Variants in CLUH observed in about 807,000 individuals in gnomAD.
CLUH encodes clustered mitochondria protein homolog.
CLUH carries 77 observed loss-of-function variants against 139.3 expected under a neutral mutation model. That is an observed-to-expected ratio of 0.55 (90% CI 0.46 to 0.67). The LOEUF is 0.67. Among genes scored for constraint, CLUH ranks in the 30% least tolerant of loss-of-function variants. CLUH has a pLI of 0.00. For synonymous variants in CLUH, 999 were observed against 801.6 expected (o/e 1.25, Z -4.16); for missense variants, 1,876 against 1,875.8 (o/e 1.00, Z 0.00).
chr17:2,701,191 T>C lies in CLUH; in HGVS notation c.974A>G (p.Asn325Ser), dbSNP rs201192387. 3.1e-5 allele frequency: 50 copies of C among 1,613,850 alleles called. 1 individual carries two copies. The Admixed American group carries it at 4.7e-4, about 15-fold the overall frequency. Residue 325 changes from asparagine (N) to serine (S), a missense_variant, in exon 7 of 26, where the codon AAC becomes AGC. By Grantham distance (46) the Asn-to-Ser change is conservative. Coordinates refer to ENST00000651024, the MANE Select transcript of CLUH (RefSeq NM_001366661.1). ...CTTCTTGAAGGTCGGGCTGATCTGG[T>C]TGAGCAGCTCCACTAGGGAATGGCT... ...FLSHSLVELL[N>S]QISPTFKKNF...
Position 2,692,711 on chromosome 17 carries a change from G to C in CLUH, c.3313-15C>G, listed in dbSNP as rs566688021. 2.7e-5 allele frequency: 43 copies of C among 1,608,690 alleles called. No homozygotes were observed. The highest frequency in any genetic ancestry group is 3.7e-5 in the Non-Finnish European group (43 of 1,177,216). On this transcript the variant is annotated splice_polypyrimidine_tract_variant and intron_variant, in intron 20 of 25. Coordinates refer to ENST00000651024, the MANE Select transcript of CLUH (RefSeq NM_001366661.1). ...GCCAGGTGCATCTGCGGGCGGGGCG[G>C]AGACAGGTCAGGGTGGCCGCGGACC... is the stretch of plus-strand genomic sequence containing the variant.
At position 2,701,935 on chromosome 17, in the gene CLUH, A is replaced by C. The variant is rs1194496270; in HGVS notation, c.598T>G (p.Phe200Val). 6.2e-7 allele frequency: 1 copy of C among 1,613,790 alleles called. No individual in the cohort carries two copies. The highest frequency in any genetic ancestry group is 8.5e-7 in the Non-Finnish European group (1 of 1,179,898). ...GCACCTCCCAGGTCGCCGTCGGTGA[A>C]GACACTCAGGAAGGACAAGGAGTTG... ...DCNSLSFLSV[F>V]TDGDLGDSGK... The change falls in exon 4 of 26, where the codon TTC becomes GTC. Residue 200 changes from phenylalanine (F) to valine (V), a missense_variant. By Grantham distance (50) the Phe-to-Val change is conservative. This residue lies in a region of CLUH where 270 missense variants were observed against 354.7 expected (regional missense o/e 0.76). Transcript: ENST00000651024.
rs1031817591 is a variant in CLUH, at chr17:2,707,712, C to T, written c.101-3148G>A. 2 of 985,326 alleles carry T rather than the reference C, an allele frequency of 2.0e-6. No individual in the cohort carries two copies. Among genetic ancestry groups the T allele is most frequent in the African/African-American group, 3.5e-5 (2 of 57,236 alleles). 61.0% of individuals were successfully genotyped at this position (985,326 alleles called of 1,614,324 possible). A position where few individuals can be genotyped will look rare whatever the true frequency, so the allele number is the denominator to read the frequency against. ...GACCGCTTCTGCCAGCTGCCGCCAA[C>T]AGCTGGCACAGACCCGGGTCCAGGC... On this transcript the variant is annotated intron_variant, in intron 1 of 25. Transcript: ENST00000651024. This position sits in a 1 kb window ranked among gnomAD's most constrained non-coding sequence, Gnocchi z 7.4.
At position 2,703,196 on chromosome 17, in the gene CLUH, C is replaced by A; in HGVS notation, c.475+122G>T. On this transcript the variant is annotated intron_variant, in intron 3 of 25. Coordinates refer to ENST00000651024, the MANE Select transcript of CLUH (RefSeq NM_001366661.1). The surrounding 1 kb of genome is among the most constrained non-coding windows in gnomAD (Gnocchi z 4.2). Reference sequence around the variant, plus strand: ...AGGTGTGCTGGCCTGAGAAGCAGATCTGTGCTCCAATCCTGCCTCCATGAG... The same window carrying A: ...AGGTGTGCTGGCCTGAGAAGCAGATATGTGCTCCAATCCTGCCTCCATGAG... 5 of 1,033,998 alleles carry A rather than the reference C, an allele frequency of 4.8e-6. No individual in the cohort carries two copies. Among genetic ancestry groups the A allele is most frequent in the Non-Finnish European group, 7.0e-6 (5 of 713,226 alleles). The allele number at this position is 1,033,998 out of a possible 1,614,324, so 64.1% of individuals were successfully genotyped here.
At position 2,700,760 on chromosome 17, in the gene CLUH, T is replaced by G. The variant is rs2070149262; in HGVS notation, c.1091A>C (p.Gln364Pro). Residue 364 changes from glutamine (Q) to proline (P), a missense_variant, in exon 8 of 26, where the codon CAG (glutamine) becomes CCG (proline). By Grantham distance (76) the Gln-to-Pro change is moderately conservative. Transcript: ENST00000651024. ...CACGCAATCCATGGCATGCTCCGCC[T>G]GGGGGGCTGTCCAGCTGTACACCTG... ...PFQVYSWTAP[Q>P]AEHAMDCVRA... 3 of 1,545,310 alleles carry G rather than the reference T, an allele frequency of 1.9e-6. No homozygotes were observed. Among genetic ancestry groups the G allele is most frequent in the Admixed American group, 4.2e-5 (2 of 47,536 alleles).
rs747922501 is a variant in CLUH, at chr17:2,694,054, C to G, written c.3092-15G>C. The G allele has an allele frequency of 8.7e-6, 14 of 1,613,796 alleles. No individual in the cohort carries two copies. Among genetic ancestry groups the G allele is most frequent in the Non-Finnish European group, 1.2e-5 (14 of 1,179,850 alleles). On this transcript the variant is annotated splice_polypyrimidine_tract_variant and intron_variant, in intron 18 of 25. Transcript: ENST00000651024. ...CTTCAGGAAGCCTGCAGGGCACCCC[C>G]AGGGGTGGCAAGGTCAGGACGGGCC...
rs1418382371 is a variant in CLUH, at chr17:2,700,760, TG to T, written c.1090del (p.Gln364ArgfsTer80). On this transcript the variant is annotated frameshift_variant, in exon 8 of 26. Coordinates refer to ENST00000651024, the MANE Select transcript of CLUH (RefSeq NM_001366661.1). LOFTEE classifies it high-confidence loss of function. ...CACGCAATCCATGGCATGCTCCGCC[TG>T]GGGGGCTGTCCAGCTGTACACCTGG... The part of the protein sequence containing the change: ...PFQVYSWTAP[Q>X]AEHAMDCVRA... 3 of 1,545,388 alleles carry T rather than the reference TG, an allele frequency of 1.9e-6. No individual in the cohort carries two copies. Among genetic ancestry groups the T allele is most frequent in the Admixed American group, 2.1e-5 (1 of 47,556 alleles).
intron 1 of CLUH, among the ~76,000 whole-genome samples, chr17:2,705,805 A>G (rs1390357681): frequency 6.6e-6 from 1 of 152,124 alleles, no homozygotes; most frequent in Admixed American, 6.5e-5. Context: ...CCCAATCCAC[A>G]TGCTCCAGGG....
Position 2,691,764 on chromosome 17 carries a change from G to T in CLUH, c.3786C>A (p.Leu1262=). 6.3e-7 allele frequency: 1 copy of T among 1,596,108 alleles called. No homozygotes were observed. The highest frequency in any genetic ancestry group is 8.5e-7 in the Non-Finnish European group (1 of 1,171,936). ...RNGSSANIPP[L]KFTAPSMASV... ...GGCCGCTCCGCCCCGGACTCACCTTGAGGGGCGGGATGTTGGCGCTGGAGC... is the reference window on the plus strand; with the variant it reads ...GGCCGCTCCGCCCCGGACTCACCTTTAGGGGCGGGATGTTGGCGCTGGAGC... Residue 1262 remains leucine, a synonymous_variant, in exon 24 of 26, where the codon CTC becomes CTA. Transcript: ENST00000651024.
At position 2,690,873 on chromosome 17, in the gene CLUH, G is replaced by C. The variant is rs565996299; in HGVS notation, c.3864-96C>G. On this transcript the variant is annotated intron_variant, in intron 25 of 25. Transcript: ENST00000651024. ...CCTGTGGGATAAGCTCAGGCTCTGCGCTCTATTCAGTGGGGAATGTGTGTG... is the reference window on the plus strand; with the variant it reads ...CCTGTGGGATAAGCTCAGGCTCTGCCCTCTATTCAGTGGGGAATGTGTGTG... The C allele has an allele frequency of 3.0e-6, 3 of 987,358 alleles. No individual in the cohort carries two copies. The African/African-American group carries it at 5.1e-5, about 17-fold the overall frequency. 61.2% of individuals were successfully genotyped at this position (987,358 alleles called of 1,614,324 possible). A position where few individuals can be genotyped will look rare whatever the true frequency, so the allele number is the denominator to read the frequency against.
rs752224729 is a variant in CLUH, at chr17:2,698,418, T to TC, written c.1438dup (p.Asp480GlyfsTer99). On this transcript the variant is annotated frameshift_variant, in exon 10 of 26. Coordinates refer to ENST00000651024, the MANE Select transcript of CLUH (RefSeq NM_001366661.1). LOFTEE classifies it high-confidence loss of function. ...GGTGGGCGCCACGTAGGCCGCCACG[T>TC]CCCCCCCGAAGTCCTTGTAGTGGTC... is the stretch of plus-strand genomic sequence containing the variant. The TC allele has an allele frequency of 4.3e-6, 7 of 1,611,580 alleles. No homozygotes were observed. The highest frequency in any genetic ancestry group is 4.2e-6 in the Non-Finnish European group (5 of 1,179,272).
chr17:2,691,428 G>A (rs772672774), intron 25 of CLUH, 181 bp downstream of exon 25: 51 of 615,492 alleles, frequency 8.3e-5, no homozygotes, highest in Non-Finnish European at 1.4e-4. Context: ...CGGGCGAGGT[G>A]GCGGACACCT....
chr17:2,703,291 G>C lies in CLUH; in HGVS notation c.475+27C>G. On this transcript the variant is annotated intron_variant, in intron 3 of 25. Transcript: ENST00000651024. This position sits in a 1 kb window ranked among gnomAD's most constrained non-coding sequence, Gnocchi z 4.2. ...CTCTGCCTCCGTGGGCCCTCCCCCG[G>C]GCAGGCTGTCCAACTTCCAGACCAA... 2.5e-6 allele frequency: 4 copies of C among 1,593,918 alleles called. No homozygotes were observed. The highest frequency in any genetic ancestry group is 3.4e-6 in the Non-Finnish European group (4 of 1,169,878).
At position 2,693,932 on chromosome 17, in the gene CLUH, G is replaced by A. The variant is rs571139579; in HGVS notation, c.3199C>T (p.Arg1067Cys). ...TAGTCGCCCATGATGTAGTGGAGGC[G>A]GGCGAGGAGGCGCAGGCAGGCGCAG... ...ETCACLRLLA[R>C]LHYIMGDYAE... is the part of the protein sequence containing the mutation. The change falls in exon 19 of 26, where the codon CGC (arginine) becomes TGC (cysteine). Residue 1067 changes from arginine (R) to cysteine (C), a missense_variant. Transcript: ENST00000651024. 40 of 1,613,546 alleles carry A rather than the reference G, an allele frequency of 2.5e-5. No individual in the cohort carries two copies. Among genetic ancestry groups the A allele is most frequent in the Non-Finnish European group, 3.1e-5 (36 of 1,179,746 alleles).
In CLUH at chr17:2,691,768, G is replaced by A. The variant is rs1253217083; in HGVS notation, c.3782C>T (p.Pro1261Leu). The A allele has an allele frequency of 1.1e-5, 18 of 1,596,066 alleles. No individual in the cohort carries two copies. The highest frequency in any genetic ancestry group is 1.5e-5 in the Non-Finnish European group (17 of 1,171,900). Residue 1261 changes from proline (P) to leucine (L), a missense_variant, in exon 24 of 26, where the codon CCC becomes CTC. Pro to Leu is a moderately conservative substitution (Grantham distance 98, BLOSUM62 -3). This residue lies in a region of CLUH where 1,454 missense variants were observed against 1,384.4 expected (regional missense o/e 1.05). Transcript: ENST00000651024. ...GCTCCGCCCCGGACTCACCTTGAGG[G>A]GCGGGATGTTGGCGCTGGAGCCGTT... ...YRNGSSANIP[P>L]LKFTAPSMAS...
intron 16 of CLUH, 69 bp downstream of exon 16, chr17:2,694,788 C>A (rs2069864578): frequency 6.2e-6 from 9 of 1,459,140 alleles, no homozygotes; most frequent in Middle Eastern, 4.6e-4. Flanking sequence ...TAGACGCCAT[C>A]TGGGAGCAGG....
At position 2,703,121 on chromosome 17, in the gene CLUH, C is replaced by T. The variant is rs1001761958; in HGVS notation, c.475+197G>A. On this transcript the variant is annotated intron_variant, in intron 3 of 25. Coordinates refer to ENST00000651024, the MANE Select transcript of CLUH (RefSeq NM_001366661.1). This position sits in a 1 kb window ranked among gnomAD's most constrained non-coding sequence, Gnocchi z 4.2. ...GATTACAGGCGTGAGCCACCATGCC[C>T]AGCCCACGGCTCTGTTCTTTAACCC... Among the ~76,000 whole-genome samples the T allele has an allele frequency of 7.2e-5, 11 of 152,088 alleles. No individual in the cohort carries two copies. Among genetic ancestry groups the T allele is most frequent in the Non-Finnish European group, 1.6e-4 (11 of 68,018 alleles).
Position 2,707,459 on chromosome 17 carries a change from C to G in CLUH, c.101-2895G>C, listed in dbSNP as rs1398334637. 1.0e-5 allele frequency: 10 copies of G among 985,428 alleles called. No homozygotes were observed. The highest frequency in any genetic ancestry group is 1.2e-5 in the Non-Finnish European group (10 of 829,916). The allele number at this position is 985,428 out of a possible 1,614,324, so 61.0% of individuals were successfully genotyped here. A position where few individuals can be genotyped will look rare whatever the true frequency, so the allele number is the denominator to read the frequency against. Reference sequence around the variant, plus strand: ...GAAGGACGGCTGTGGGCCAGGAGAACCCGGTGGCCCCAGGACCCCAGGGGG... The same window carrying G: ...GAAGGACGGCTGTGGGCCAGGAGAAGCCGGTGGCCCCAGGACCCCAGGGGG... On this transcript the variant is annotated intron_variant, in intron 1 of 25. Coordinates refer to ENST00000651024, the MANE Select transcript of CLUH (RefSeq NM_001366661.1). The surrounding 1 kb of genome is among the most constrained non-coding windows in gnomAD (Gnocchi z 7.4).
chr17:2,693,809 C>T, intron 19 of CLUH, 91 bp downstream of exon 19: 2 of 1,478,422 alleles, frequency 1.4e-6, no homozygotes, highest in Non-Finnish European at 1.8e-6. Context: ...TGGGGTCTCC[C>T]TGGACTCCAC....
Sources: allele counts gnomAD v4.1 joint callset (sites outside exome capture counted in the v4.1 genomes callset), GRCh38; gene constraint gnomAD v4.1.1; regional missense constraint gnomAD v4.1.1; non-coding constraint Gnocchi (gnomAD v3.1); transcripts MANE v1.5; gene names NCBI Gene and HGNC (gene_info 2026-07-23, HGNC 2026-07-21).